The following PTPRJ variants were observed in gnomAD, a reference collection of about 807,000 sequenced individuals.
PTPRJ encodes the protein receptor-type tyrosine-protein phosphatase eta.
In PTPRJ, 129 loss-of-function variants were observed where a neutral mutation model predicts 141.3. That is an observed-to-expected ratio of 0.91 (90% CI 0.79 to 1.06). PTPRJ has a LOEUF of 1.06. PTPRJ is among the 50% of genes least tolerant of loss of function. The pLI is 0.00. For missense variants in PTPRJ, 1,601 were observed against 1,679.7 expected (o/e 0.95, Z 0.82); for synonymous variants, 610 against 640.5 (o/e 0.95, Z 0.72).
intron 3 of PTPRJ, among the ~76,000 whole-genome samples, chr11:48,117,338 C>T (rs1189690318): frequency 2.6e-5 from 4 of 151,696 alleles, no homozygotes; most frequent in South Asian, 4.2e-4. Flanking sequence ...GTCAGGAGTT[C>T]GAGACCAGCC....
chr11:48,005,640 G>A (rs1854602716), intron 1 of PTPRJ, among the ~76,000 whole-genome samples: 1 of 152,210 alleles, frequency 6.6e-6, no homozygotes, highest in Non-Finnish European at 1.5e-5. Flanking sequence ...TGGCTATTGT[G>A]AGTGACACTG....
At chr11:48,055,358 T>C (rs922501787) in intron 1 of PTPRJ, among the ~76,000 whole-genome samples, 1 of 152,216 alleles carries the variant, frequency 6.6e-6, no homozygotes, top group Non-Finnish European at 1.5e-5. Flanking sequence ...GCATGGGAAC[T>C]TTTGATGCAA....
chr11:48,067,928 C>T (rs1169981860), intron 1 of PTPRJ, among the ~76,000 whole-genome samples: 1 of 152,126 alleles, frequency 6.6e-6, no homozygotes, highest in Non-Finnish European at 1.5e-5. Flanking sequence ...TACAGAAGGC[C>T]CATGTCTCAA....
chr11:48,036,057 A>G (rs766963087), intron 1 of PTPRJ, among the ~76,000 whole-genome samples: 4 of 152,204 alleles, frequency 2.6e-5, no homozygotes, highest in Non-Finnish European at 5.9e-5. Context: ...ATAGCTGGGT[A>G]AAAAATAGCA....
chr11:48,126,634 T>C (rs968273030), intron 6 of PTPRJ, among the ~76,000 whole-genome samples: 9 of 151,918 alleles, frequency 5.9e-5, no homozygotes, highest in Non-Finnish European at 2.9e-5. Flanking sequence ...GCCTTTTTGA[T>C]AAGGGCACTA....
chr11:48,061,857 T>C (rs186849975), intron 1 of PTPRJ, among the ~76,000 whole-genome samples: 1 of 152,092 alleles, frequency 6.6e-6, no homozygotes, highest in African/African-American at 2.4e-5. Context: ...ACTTTCTTTA[T>C]CTTGGTCTTC....
chr11:48,010,562 A>C (rs967209790), intron 1 of PTPRJ, among the ~76,000 whole-genome samples: 2 of 151,912 alleles, frequency 1.3e-5, no homozygotes, highest in Non-Finnish European at 2.9e-5. Flanking sequence ...TTTGAGACGG[A>C]GTCTCACTCT....
intron 1 of PTPRJ, among the ~76,000 whole-genome samples, chr11:48,071,013 A>G (rs577053095): frequency 6.6e-6 from 1 of 152,306 alleles, no homozygotes; most frequent in African/African-American, 2.4e-5. Flanking sequence ...ATGTCACATA[A>G]TTGTACAAAT....
At chr11:48,050,059 C>T (rs1356189158) in intron 1 of PTPRJ, among the ~76,000 whole-genome samples, 2 of 152,146 alleles carry the variant, frequency 1.3e-5, no homozygotes, top group Non-Finnish European at 2.9e-5. Flanking sequence ...ATATAGTCAG[C>T]GGAACATTCC....
intron 2 of PTPRJ, among the ~76,000 whole-genome samples, chr11:48,112,299 A>G (rs1856460388): frequency 6.6e-6 from 1 of 152,212 alleles, no homozygotes; most frequent in Non-Finnish European, 1.5e-5. Context: ...ATGCATATAC[A>G]GGGCCAAAAA....
At chr11:48,023,913 T>C (rs2134215486) in intron 1 of PTPRJ, among the ~76,000 whole-genome samples, 1 of 152,220 alleles carries the variant, frequency 6.6e-6, no homozygotes, top group Middle Eastern at 3.4e-3. Context: ...ATTTTGATTA[T>C]GTGTGCCATC....
At chr11:48,128,115 A>G (rs1236794550) in intron 7 of PTPRJ, 72 bp downstream of exon 7, 16 of 1,515,734 alleles carry the variant, frequency 1.1e-5, no homozygotes, top group Non-Finnish European at 1.4e-5. Context: ...CACAGGATGC[A>G]TGATGTAGTA....
chr11:48,035,538 C>CTTCTTTT (rs1854100219), intron 1 of PTPRJ, among the ~76,000 whole-genome samples: 1 of 61,742 alleles, frequency 1.6e-5, no homozygotes, highest in Non-Finnish European at 3.0e-5. Context: ...CTTTCTTCTT[C>CTTCTTTT]TTTTTTTTTT....
At chr11:48,066,838 G>A (rs1222522395) in intron 1 of PTPRJ, among the ~76,000 whole-genome samples, 4 of 152,008 alleles carry the variant, frequency 2.6e-5, no homozygotes, top group Admixed American at 6.6e-5. Context: ...CGCCTGCCTC[G>A]GCCTCCCAAA....
chr11:48,117,321 A>C (rs1421256638), intron 3 of PTPRJ, among the ~76,000 whole-genome samples: 1 of 152,038 alleles, frequency 6.6e-6, no homozygotes, highest in Non-Finnish European at 1.5e-5. Flanking sequence ...TGGGCGGATC[A>C]CTTGAGGTCA....
intron 1 of PTPRJ, among the ~76,000 whole-genome samples, chr11:48,084,473 T>C (rs1398520672): frequency 6.6e-6 from 1 of 152,154 alleles, no homozygotes; most frequent in African/African-American, 2.4e-5. Flanking sequence ...CATGGCAGAA[T>C]CTAGGTTTTT....
At chr11:47,994,287 C>G (rs1779803127) in intron 1 of PTPRJ, among the ~76,000 whole-genome samples, 1 of 151,948 alleles carries the variant, frequency 6.6e-6, no homozygotes, top group African/African-American at 2.4e-5. Flanking sequence ...TTTTTAAATG[C>G]ATGTTCTGTC....
chr11:48,021,785 G>A (rs891894973), intron 1 of PTPRJ, among the ~76,000 whole-genome samples: 2 of 152,104 alleles, frequency 1.3e-5, no homozygotes, highest in Non-Finnish European at 2.9e-5. Flanking sequence ...GTTTTGTTTT[G>A]TTTTGTTTTT....
intron 1 of PTPRJ, among the ~76,000 whole-genome samples, chr11:48,028,652 G>T (rs909367946): frequency 6.6e-6 from 1 of 152,174 alleles, no homozygotes; most frequent in Non-Finnish European, 1.5e-5. Context: ...TTAGCCAGGT[G>T]TGGTGGCGGG....
Sources: gnomAD v4.1 joint callset for allele counts (sites outside exome capture counted in the v4.1 genomes callset) on GRCh38, gnomAD v4.1.1 for gene constraint, MANE v1.5 for transcripts, NCBI Gene and HGNC (gene_info 2026-07-23, HGNC 2026-07-21) for gene names.